MAPK8: variants seen among roughly 807,000 people sequenced by gnomAD.
MAPK8 encodes the protein mitogen-activated protein kinase 8, also known as JUN N-terminal kinase.
A neutral mutation model predicts 52.9 loss-of-function variants in MAPK8; 13 were observed. The ratio of observed to expected loss-of-function variants is 0.25; its 90% confidence interval spans 0.16 to 0.39. MAPK8 has a LOEUF of 0.39. MAPK8 is among the 10% of genes least tolerant of loss of function. The pLI, the probability that MAPK8 is intolerant of heterozygous loss-of-function variation, is 1.00. For missense variants in MAPK8, 300 were observed against 519.2 expected, an observed-to-expected ratio of 0.58 and a Z score of 4.10; for synonymous variants, 191 against 169.8, an observed-to-expected ratio of 1.12 and a Z score of -0.97.
intron 1 of MAPK8, among the ~76,000 whole-genome samples, chr10:48,336,937 G>A (rs1844744867): frequency 6.6e-6 from 1 of 152,020 alleles, no homozygotes; most frequent in African/African-American, 2.4e-5. Context: ...TATCTCCTAG[G>A]TATATATGCC....
At chr10:48,364,795 A>T (rs1847883800) in intron 1 of MAPK8, among the ~76,000 whole-genome samples, 1 of 152,208 alleles carries the variant, frequency 6.6e-6, no homozygotes. Flanking sequence ...CTAAAGACAG[A>T]AAACTCCAAA....
Position 48,401,703 on chromosome 10 carries a change from A to T in MAPK8, c.43A>T (p.Ile15Phe). The change falls in exon 2 of 12, where the codon ATT (isoleucine) becomes TTT (phenylalanine). Residue 15 changes from isoleucine to phenylalanine, a missense_variant. By Grantham distance (21) the Ile-to-Phe change is conservative (BLOSUM62 0). This residue lies in a region of MAPK8 where 34 missense variants were observed against 36.7 expected (regional missense o/e 0.93). Transcript: ENST00000374189. ...KRDNNFYSVE[I>F]GDSTFTVLKR... ...TGACAACAATTTTTATAGTGTAGAGATTGGAGATTCTACATTCACAGTCCT... is the reference window on the plus strand; with the variant it reads ...TGACAACAATTTTTATAGTGTAGAGTTTGGAGATTCTACATTCACAGTCCT... The T allele has an allele frequency of 1.2e-6, 2 of 1,604,156 alleles. No homozygotes were observed. Among genetic ancestry groups the T allele is most frequent in the Non-Finnish European group, 1.7e-6 (2 of 1,175,902 alleles).
chr10:48,320,936 A>G (rs1842936756), intron 1 of MAPK8, among the ~76,000 whole-genome samples: 2 of 152,124 alleles, frequency 1.3e-5, no homozygotes, highest in African/African-American at 4.8e-5. Context: ...GTGATAGCCC[A>G]TTGTGATTTT....
In MAPK8 at chr10:48,323,690, A is replaced by C. The variant is rs989565103; in HGVS notation, c.-50+16869A>C. Among the ~76,000 whole-genome samples the C allele has an allele frequency of 2.6e-5, 4 of 152,224 alleles. 1 individual carries two copies. In the South Asian group the frequency reaches 8.3e-4, roughly 31 times the overall value. On this transcript the variant is annotated intron_variant, in intron 1 of 11. Coordinates refer to ENST00000374189, the MANE Select transcript of MAPK8 (RefSeq NM_001323329.2). ...ATTACAAAGTTTTCCATACATCTTAATCATTATAATTGAGGAAAAATGGTA... is the reference window on the plus strand; with the variant it reads ...ATTACAAAGTTTTCCATACATCTTACTCATTATAATTGAGGAAAAATGGTA...
chr10:48,343,976 C>T (rs1350580635), intron 1 of MAPK8, among the ~76,000 whole-genome samples: 1 of 152,146 alleles, frequency 6.6e-6, no homozygotes, highest in African/African-American at 2.4e-5. Context: ...AGACAGGAAT[C>T]TAAGGAGTTT....
chr10:48,420,233 G>C lies in MAPK8; in HGVS notation c.529G>C (p.Gly177Arg), dbSNP rs2043278229. The C allele has an allele frequency of 6.2e-7, 1 of 1,613,860 alleles. No individual in the cohort carries two copies. The change falls in exon 6 of 12, where the codon GGA becomes CGA. Residue 177 changes from glycine (G) to arginine (R), a missense_variant. By Grantham distance (125) the Gly-to-Arg change is moderately radical. This residue lies in a region of MAPK8 where 147 missense variants were observed against 328.1 expected (regional missense o/e 0.45). Coordinates refer to ENST00000374189, the MANE Select transcript of MAPK8 (RefSeq NM_001323329.2). ...ILDFGLARTA[G>R]TSFMMTPYVV... ...TGACTTCGGTCTGGCCAGGACTGCA[G>C]GAACGAGTTTTATGATGACGCCTTA... is the stretch of plus-strand genomic sequence containing the variant.
intron 1 of MAPK8, among the ~76,000 whole-genome samples, chr10:48,374,336 A>G (rs542558682): frequency 6.6e-6 from 1 of 152,300 alleles, no homozygotes; most frequent in East Asian, 1.9e-4. Context: ...TAAAAGAACT[A>G]GAGAAGCAAG....
At chr10:48,342,219 T>G (rs910384929) in intron 1 of MAPK8, among the ~76,000 whole-genome samples, 3 of 152,164 alleles carry the variant, frequency 2.0e-5, no homozygotes, top group Non-Finnish European at 2.9e-5. Context: ...TTCTCCCACC[T>G]CAGCCTCCCA....
chr10:48,312,559 T>G (rs1377686040), intron 1 of MAPK8, among the ~76,000 whole-genome samples: 1 of 152,088 alleles, frequency 6.6e-6, no homozygotes, highest in East Asian at 1.9e-4. Flanking sequence ...ATCAAAACCA[T>G]AAGATGTTAT....
In MAPK8 at chr10:48,437,420, CTTA is replaced by C. The variant is rs530856944; in HGVS notation, c.*2394_*2396del. The C allele has an allele frequency of 2.5e-4, 38 of 152,140 alleles. 1 individual carries two copies. In the East Asian group the frequency reaches 4.0e-3, roughly 16 times the overall value. The allele number at this position is 152,140 out of a possible 1,614,324, so 9.4% of individuals were successfully genotyped here. Reference sequence around the variant, plus strand: ...GTAGTACTTGTATGAAACCACCTTTCTTATTCTATAATTTTGATTTTTCAATTT... The same window carrying C: ...GTAGTACTTGTATGAAACCACCTTTCTTCTATAATTTTGATTTTTCAATTT... On this transcript the variant is annotated 3_prime_UTR_variant, in exon 12 of 12. Transcript: ENST00000374189.
intron 1 of MAPK8, among the ~76,000 whole-genome samples, chr10:48,315,868 T>C (rs1842448273): frequency 6.6e-6 from 1 of 152,056 alleles, no homozygotes; most frequent in Non-Finnish European, 1.5e-5. Context: ...ATTGCATTTA[T>C]AGTGGTGATT....
At chr10:48,307,676 AT>A in intron 1 of MAPK8, among the ~76,000 whole-genome samples, 2 of 152,292 alleles carry the variant, frequency 1.3e-5, no homozygotes, top group East Asian at 3.9e-4. Context: ...ACTACATGGC[AT>A]TGTCCAGTGA....
intron 1 of MAPK8, among the ~76,000 whole-genome samples, chr10:48,318,905 A>T (rs1842742209): frequency 6.6e-6 from 1 of 152,202 alleles, no homozygotes; most frequent in Non-Finnish European, 1.5e-5. Flanking sequence ...AGGAATTAGG[A>T]GGATGAAGAA....
intron 5 of MAPK8, among the ~76,000 whole-genome samples, chr10:48,414,072 G>A (rs2042929988): frequency 6.6e-6 from 1 of 151,302 alleles, no homozygotes; most frequent in Non-Finnish European, 1.5e-5. Context: ...CCATTCTTCT[G>A]TGTTCCTTTC....
chr10:48,379,818 A>G (rs2040878638), intron 1 of MAPK8, among the ~76,000 whole-genome samples: 1 of 152,016 alleles, frequency 6.6e-6, no homozygotes, highest in African/African-American at 2.4e-5. Context: ...TATCATCTCC[A>G]TAGTTATCTG....
At chr10:48,407,672 A>G (rs1002506570) in intron 3 of MAPK8, among the ~76,000 whole-genome samples, 10 of 152,150 alleles carry the variant, frequency 6.6e-5, no homozygotes, top group Admixed American at 2.6e-4. Context: ...GGTTTTTAGT[A>G]TATTCAGTGA....
intron 1 of MAPK8, among the ~76,000 whole-genome samples, chr10:48,395,934 G>T (rs1455976561): frequency 2.6e-5 from 4 of 152,038 alleles, no homozygotes; most frequent in African/African-American, 9.7e-5. Context: ...AATAACCAAA[G>T]AAATAAACTT....
At chr10:48,312,909 C>A (rs1021530129) in intron 1 of MAPK8, among the ~76,000 whole-genome samples, 7 of 152,162 alleles carry the variant, frequency 4.6e-5, no homozygotes, top group Non-Finnish European at 1.0e-4. Flanking sequence ...GTGTAGCCAC[C>A]TAGTTCTTCT....
intron 1 of MAPK8, among the ~76,000 whole-genome samples, chr10:48,368,782 T>A (rs1296272286): frequency 1.3e-5 from 2 of 152,126 alleles, no homozygotes; most frequent in African/African-American, 4.8e-5. Context: ...AGGTAGGAAG[T>A]GCGGCTGGAC....
Sources: allele counts gnomAD v4.1 joint callset (sites outside exome capture counted in the v4.1 genomes callset), GRCh38; gene constraint gnomAD v4.1.1; regional missense constraint gnomAD v4.1.1; transcripts MANE v1.5; gene names NCBI Gene and HGNC (gene_info 2026-07-23, HGNC 2026-07-21).